The following FBXO38 variants were observed in gnomAD, a reference collection of about 807,000 sequenced individuals.
FBXO38 encodes F-box only protein 38.
A neutral mutation model predicts 131.9 loss-of-function variants in FBXO38; 53 were observed. The observed-to-expected ratio is 0.40, with a 90% CI of 0.32 to 0.51. FBXO38 has a LOEUF of 0.51. Among genes scored for constraint, FBXO38 ranks in the 20% least tolerant of loss-of-function variants. The probability of loss-of-function intolerance (pLI) is 0.53; values close to 1 mark genes in which losing one functional copy is unlikely to be tolerated. For synonymous variants in FBXO38, 452 were observed against 505.6 expected (o/e 0.89, Z 1.42); for missense variants, 1,076 against 1,475.6 (o/e 0.73, Z 4.44).
intron 17 of FBXO38, 51 bp from the exon 18 acceptor site, chr5:148,438,281 A>C (rs763453039): frequency 2.6e-6 from 4 of 1,553,738 alleles, no homozygotes; most frequent in Non-Finnish European, 3.5e-6. Flanking sequence ...AAATTAGGCC[A>C]TCTCTCCAAA....
chr5:148,403,934 C>T (rs1044431362), intron 5 of FBXO38, among the ~76,000 whole-genome samples: 3 of 152,090 alleles, frequency 2.0e-5, no homozygotes, highest in African/African-American at 4.8e-5. Flanking sequence ...TATCTTCTTT[C>T]ATCCATATTT....
chr5:148,402,268 A>G (rs1752200257), intron 4 of FBXO38, 80 bp from the exon 5 acceptor site: 1 of 1,543,210 alleles, frequency 6.5e-7, no homozygotes, highest in Non-Finnish European at 8.8e-7. Context: ...TCCATTGTGT[A>G]CTTAGCATCT....
At chr5:148,399,232 A>C in intron 3 of FBXO38, 100 bp downstream of exon 3, 1 of 1,391,732 alleles carries the variant, frequency 7.2e-7, no homozygotes, top group Non-Finnish European at 9.8e-7. Flanking sequence ...AGGCAATCTA[A>C]GTCACCTTGT....
At chr5:148,399,199 A>G in intron 3 of FBXO38, 67 bp downstream of exon 3, 6 of 1,568,436 alleles carry the variant, frequency 3.8e-6, no homozygotes, top group South Asian at 1.2e-5. Context: ...GGTTTCATAA[A>G]AAGTTACTTG....
rs1751897725 is a variant in FBXO38, at chr5:148,397,958, CAAGT to C, written c.129-1037_129-1034del. Among the ~76,000 whole-genome samples, 3 of 152,152 alleles carry C rather than the reference CAAGT, an allele frequency of 2.0e-5. No individual in the cohort carries two copies. The South Asian group carries it at 6.2e-4, about 32-fold the overall frequency. ...AGAGATGTAGATGGAGTTTAGGGAA[CAAGT>C]AAGGGATGATGAAGAATTTGTCTAG... On this transcript the variant is annotated intron_variant, in intron 2 of 21. Transcript: ENST00000340253.
chr5:148,425,745 C>A, intron 14 of FBXO38, 44 bp downstream of exon 14: 1 of 1,540,142 alleles, frequency 6.5e-7, no homozygotes, highest in South Asian at 1.2e-5. Context: ...GAGTCACTAT[C>A]AGAACTGACA....
At chr5:148,408,302 C>G (rs1353618994) in intron 7 of FBXO38, among the ~76,000 whole-genome samples, 3 of 152,192 alleles carry the variant, frequency 2.0e-5, no homozygotes, top group Non-Finnish European at 4.4e-5. Flanking sequence ...ATTCATACAA[C>G]CACTTTGAAA....
chr5:148,429,214 G>T (rs940301764), intron 15 of FBXO38, among the ~76,000 whole-genome samples: 1 of 152,088 alleles, frequency 6.6e-6, no homozygotes, highest in African/African-American at 2.4e-5. Flanking sequence ...TTTATGCTGC[G>T]AAAGGCCTTT....
At position 148,425,526 on chromosome 5, in the gene FBXO38, C is replaced by A. The variant is rs1408503689; in HGVS notation, c.1743C>A (p.Pro581=). 15 of 1,611,522 alleles carry A rather than the reference C, an allele frequency of 9.3e-6. No homozygotes were observed. Among genetic ancestry groups the A allele is most frequent in the Non-Finnish European group, 1.2e-5 (14 of 1,178,484 alleles). The change falls in exon 14 of 22, where the codon CCC becomes CCA. Residue 581 remains proline (P), a synonymous_variant. Coordinates refer to ENST00000340253, the MANE Select transcript of FBXO38 (RefSeq NM_205836.3). Reference sequence around the variant, plus strand: ...AGGCCTGTGCTTTTTTTTAAGGACCCAGTGGTCTTCAGCGTGTAGTAAAAC... The same window carrying A: ...AGGCCTGTGCTTTTTTTTAAGGACCAAGTGGTCTTCAGCGTGTAGTAAAAC... ...PVDVDEEQAG[P]SGLQRVVKPT...
intron 12 of FBXO38, among the ~76,000 whole-genome samples, chr5:148,422,705 T>A (rs1387209054): frequency 6.6e-6 from 1 of 152,218 alleles, no homozygotes; most frequent in Non-Finnish European, 1.5e-5. Flanking sequence ...ATTAAATGTT[T>A]GCACAGGCTA....
chr5:148,408,209 C>G (rs988789113), intron 7 of FBXO38, among the ~76,000 whole-genome samples: 1 of 152,190 alleles, frequency 6.6e-6, no homozygotes, highest in Non-Finnish European at 1.5e-5. Context: ...CTACTCGTGA[C>G]TAATATGAAA....
chr5:148,433,750 G>T lies in FBXO38; in HGVS notation c.2857+13G>T, dbSNP rs2113649139. The T allele has an allele frequency of 1.4e-6, 2 of 1,469,620 alleles. No individual in the cohort carries two copies. Among genetic ancestry groups the T allele is most frequent in the Non-Finnish European group, 1.9e-6 (2 of 1,062,438 alleles). 91.0% of individuals were successfully genotyped at this position (1,469,620 alleles called of 1,614,324 possible). A position where few individuals can be genotyped will look rare whatever the true frequency, so the allele number is the denominator to read the frequency against. ...ATGTTCATCCATGGTATGTATTTGG[G>T]CCCATATTATACAAGAGTATCATGA... is the stretch of plus-strand genomic sequence containing the variant. On this transcript the variant is annotated intron_variant, in intron 17 of 21. Transcript: ENST00000340253.
intron 4 of FBXO38, 46 bp from the exon 5 acceptor site, chr5:148,402,302 C>T: frequency 6.4e-7 from 1 of 1,568,476 alleles, no homozygotes; most frequent in Non-Finnish European, 8.7e-7. Flanking sequence ...GCTTTGGATG[C>T]TAAACTAAAG....
intron 9 of FBXO38, among the ~76,000 whole-genome samples, chr5:148,411,119 C>A (rs778504056): frequency 2.6e-5 from 4 of 152,148 alleles, no homozygotes; most frequent in Non-Finnish European, 5.9e-5. Flanking sequence ...TGATCTGCCA[C>A]ACTTCTTGAA....
chr5:148,408,951 G>A (rs1206776178), intron 7 of FBXO38, among the ~76,000 whole-genome samples, 173 bp from the exon 8 acceptor site: 4 of 152,030 alleles, frequency 2.6e-5, no homozygotes, highest in Admixed American at 1.3e-4. Flanking sequence ...TTCCTTTTAG[G>A]TCACCAGTAG....
intron 12 of FBXO38, among the ~76,000 whole-genome samples, chr5:148,418,468 C>T (rs1043534941): frequency 1.3e-5 from 2 of 152,132 alleles, no homozygotes; most frequent in African/African-American, 4.8e-5. Flanking sequence ...ACTTTATGTC[C>T]ATGGTATACT....
intron 3 of FBXO38, among the ~76,000 whole-genome samples, chr5:148,400,904 A>G (rs1752112556): frequency 6.6e-6 from 1 of 152,158 alleles, no homozygotes; most frequent in Non-Finnish European, 1.5e-5. Flanking sequence ...AAAAAAAATG[A>G]TTAACACATT....
intron 14 of FBXO38, 150 bp from the exon 15 acceptor site, chr5:148,427,063 C>A (rs1753751268): frequency 3.3e-6 from 3 of 903,588 alleles, no homozygotes; most frequent in African/African-American, 1.7e-5. Flanking sequence ...AATTTTATAG[C>A]AGCTCAGTGA....
intron 12 of FBXO38, among the ~76,000 whole-genome samples, chr5:148,421,125 C>T (rs1239413233): frequency 1.3e-5 from 2 of 152,130 alleles, no homozygotes; most frequent in Non-Finnish European, 2.9e-5. Context: ...TGCCATCACA[C>T]CCAGCTAATA....
Sources: gnomAD v4.1 joint callset for allele counts (sites outside exome capture counted in the v4.1 genomes callset) on GRCh38, gnomAD v4.1.1 for gene constraint, MANE v1.5 for transcripts, NCBI Gene and HGNC (gene_info 2026-07-23, HGNC 2026-07-21) for gene names.